ZMYM2: variants seen among roughly 807,000 people sequenced by gnomAD.
ZMYM2 encodes the protein zinc finger MYM-type protein 2.
ZMYM2 carries 56 observed loss-of-function variants against 162.8 expected under a neutral mutation model. That is an observed-to-expected ratio of 0.34 (90% CI 0.28 to 0.43). The LOEUF (loss-of-function observed/expected upper bound fraction) is 0.43. ZMYM2 is among the 20% of genes least tolerant of loss of function. ZMYM2 has a pLI of 1.00. For synonymous variants in ZMYM2, 510 were observed against 541.6 expected, an observed-to-expected ratio of 0.94 and a Z score of 0.81; for missense variants, 1,275 against 1,621.8, an observed-to-expected ratio of 0.79 and a Z score of 3.67.
At chr13:19,931,847 A>C in the ZMYM2 span, among the ~76,000 whole-genome samples, 1 of 151,836 alleles carries the variant, frequency 6.6e-6, no homozygotes. Flanking sequence ...GCTGCTCCCA[A>C]CTCCTGGGCT....
chr13:20,052,280 A>G lies in ZMYM2; in HGVS notation c.2462A>G (p.Gln821Arg), dbSNP rs1278846843. The G allele has an allele frequency of 6.4e-7, 1 of 1,563,064 alleles. No homozygotes were observed. The highest frequency in any genetic ancestry group is 1.9e-5 in the Admixed American group (1 of 52,716). Residue 821 changes from glutamine (Q) to arginine (R), a missense_variant, in exon 14 of 25, where the codon CAG (glutamine) becomes CGG (arginine). Transcript: ENST00000610343. ...TAAATTTTTTTGTGTTTTTTAGATC[A>G]GGGTTGTCAGACATCTCGAACCAAA... Reference protein sequence around the residue: ...QKGPENLHYDQGCQTSRTKMT... With the variant: ...QKGPENLHYDRGCQTSRTKMT...
intron 6 of ZMYM2, among the ~76,000 whole-genome samples, chr13:20,011,596 G>T (rs1479661980): frequency 7.9e-6 from 1 of 126,162 alleles, no homozygotes; most frequent in Non-Finnish European, 1.6e-5. Context: ...TTTTTTTGAG[G>T]GGTGAAGGAG....
At chr13:20,015,885 T>A (rs1951582635) in intron 6 of ZMYM2, among the ~76,000 whole-genome samples, 1 of 152,086 alleles carries the variant, frequency 6.6e-6, no homozygotes, top group Admixed American at 6.5e-5. Flanking sequence ...AAATAAATCC[T>A]TCCTTATCAG....
At chr13:20,031,270 A>G (rs142616654) in intron 9 of ZMYM2, 49 bp from the exon 10 acceptor site, 1 of 1,314,578 alleles carries the variant, frequency 7.6e-7, no homozygotes, top group African/African-American at 1.5e-5. Context: ...TCACAAATAG[A>G]AATTCAAACA....
At chr13:19,944,756 G>C in the ZMYM2 span, among the ~76,000 whole-genome samples, 1 of 152,046 alleles carries the variant, frequency 6.6e-6, no homozygotes, top group Non-Finnish European at 1.5e-5. Flanking sequence ...TTCAACCTCC[G>C]CCTCCCAGAA....
chr13:19,937,559 G>A, the ZMYM2 span, among the ~76,000 whole-genome samples: 13 of 147,192 alleles, frequency 8.8e-5, 1 homozygote, highest in Non-Finnish European at 1.6e-4. Flanking sequence ...CACCTCCTGA[G>A]TTCAAGTGAT....
the ZMYM2 span, among the ~76,000 whole-genome samples, chr13:19,932,790 C>T: frequency 6.6e-6 from 1 of 152,162 alleles, no homozygotes; most frequent in African/African-American, 2.4e-5. Context: ...GGCACCGTAT[C>T]TTGACTTTAT....
chr13:19,951,267 C>A, the ZMYM2 span, among the ~76,000 whole-genome samples: 1 of 152,024 alleles, frequency 6.6e-6, no homozygotes, highest in Non-Finnish European at 1.5e-5. Flanking sequence ...GTAAAGGAAA[C>A]AATCAACAGA....
chr13:20,069,789 AATTTAT>A (rs544659996), intron 21 of ZMYM2, among the ~76,000 whole-genome samples: 37 of 151,992 alleles, frequency 2.4e-4, no homozygotes, highest in South Asian at 4.1e-4. Context: ...TTTTAACGAT[AATTTAT>A]ATTTATAAAG....
At chr13:19,899,195 C>T in the ZMYM2 span, among the ~76,000 whole-genome samples, 2 of 151,912 alleles carry the variant, frequency 1.3e-5, no homozygotes, top group Non-Finnish European at 2.9e-5. Flanking sequence ...TGTGATCTGC[C>T]TGCCTCTGCC....
Position 20,066,928 on chromosome 13 carries a change from C to A in ZMYM2, c.3210C>A (p.Phe1070Leu). Reference sequence around the variant, plus strand: ...ACAATTCAGAATGCAGCTTTCCTTTCAAATATACGTATGGCGTAAATGCAT... The same window carrying A: ...ACAATTCAGAATGCAGCTTTCCTTTAAAATATACGTATGGCGTAAATGCAT... ...SSDNSECSFP[F>L]KYTYGVNAWK... The change falls in exon 20 of 25, where the codon TTC (phenylalanine) becomes TTA (leucine). Residue 1070 changes from phenylalanine (F) to leucine (L), a missense_variant. Phe to Leu is a conservative substitution (Grantham distance 22). Around this residue, in one of 10 missense-constraint regions of ZMYM2, gnomAD observed 229 missense variants for 283.8 expected, o/e 0.81. Coordinates refer to ENST00000610343, the MANE Select transcript of ZMYM2 (RefSeq NM_197968.4). The A allele has an allele frequency of 1.2e-6, 2 of 1,613,390 alleles. No individual in the cohort carries two copies. The highest frequency in any genetic ancestry group is 1.7e-6 in the Non-Finnish European group (2 of 1,179,614).
In ZMYM2 at chr13:20,087,865, C is replaced by G. The variant is rs568867429; in HGVS notation, c.*1851C>G. The G allele has an allele frequency of 5.3e-6, 1 of 187,758 alleles. No homozygotes were observed. Among genetic ancestry groups the G allele is most frequent in the Non-Finnish European group, 1.1e-5 (1 of 89,048 alleles). The allele number at this position is 187,758 out of a possible 1,614,324, so 11.6% of individuals were successfully genotyped here. On this transcript the variant is annotated 3_prime_UTR_variant, in exon 25 of 25. Transcript: ENST00000610343. ...AATACAAAAATTTTCTCTAACTTAC[C>G]TTTTTCCAGAACTACTTCTTTAAGC...
intron 2 of ZMYM2, among the ~76,000 whole-genome samples, chr13:19,984,448 G>A (rs1244100335): frequency 6.6e-6 from 1 of 152,182 alleles, no homozygotes; most frequent in Non-Finnish European, 1.5e-5. Flanking sequence ...GTATTTAGGA[G>A]TGTGCTAAGT....
At chr13:19,992,973 A>G (rs41292187) in intron 2 of ZMYM2, 90 bp from the exon 3 acceptor site, 62,210 of 1,381,450 alleles carry the variant, frequency 0.045, 1,683 homozygotes, top group Non-Finnish European at 0.052. Flanking sequence ...TAAAAATAAA[A>G]TAAAAGTACC....
At chr13:19,985,136 G>T (rs570757381) in intron 2 of ZMYM2, among the ~76,000 whole-genome samples, 1 of 152,178 alleles carries the variant, frequency 6.6e-6, no homozygotes, top group South Asian at 2.1e-4. Context: ...GTTTTTTGTT[G>T]TTGTTGAGAC....
chr13:20,073,074 A>G (rs1957213247), intron 21 of ZMYM2, among the ~76,000 whole-genome samples: 1 of 151,770 alleles, frequency 6.6e-6, no homozygotes, highest in Non-Finnish European at 1.5e-5. Flanking sequence ...CATCTGGCTA[A>G]TTTTTGTATT....
chr13:19,889,133 C>G, the ZMYM2 span, among the ~76,000 whole-genome samples: 1 of 151,726 alleles, frequency 6.6e-6, no homozygotes, highest in Non-Finnish European at 1.5e-5. Flanking sequence ...CTTAAATCCT[C>G]AACACTCCTG....
At chr13:19,967,899 A>G (rs1220161344) in intron 2 of ZMYM2, among the ~76,000 whole-genome samples, 1 of 152,220 alleles carries the variant, frequency 6.6e-6, no homozygotes, top group Non-Finnish European at 1.5e-5. Context: ...CTTATCTGGT[A>G]ATGACTAGAA....
chr13:20,078,322 TAGA>T (rs1957659942), intron 21 of ZMYM2, among the ~76,000 whole-genome samples: 1 of 40,204 alleles, frequency 2.5e-5, no homozygotes, highest in Non-Finnish European at 1.0e-4. Context: ...TTGAGAGACT[TAGA>T]AGTAGAATCT....
Sources: gnomAD v4.1 joint callset for allele counts (sites outside exome capture counted in the v4.1 genomes callset) on GRCh38, gnomAD v4.1.1 for gene constraint, gnomAD v4.1.1 regional missense constraint, MANE v1.5 for transcripts, NCBI Gene and HGNC (gene_info 2026-07-23, HGNC 2026-07-21) for gene names.